The following SEZ6L variants were observed in gnomAD, a reference collection of about 807,000 sequenced individuals.
The protein encoded by SEZ6L is seizure related 6 homolog like.
A neutral mutation model predicts 106.2 loss-of-function variants in SEZ6L; 37 were observed. That is an observed-to-expected ratio of 0.35 (90% CI 0.27 to 0.46). SEZ6L has a LOEUF of 0.46. Ranked by LOEUF, SEZ6L falls within the 20% of genes least tolerant of loss-of-function variation. The pLI, the probability that SEZ6L is intolerant of heterozygous loss-of-function variation, is 1.00. For synonymous variants in SEZ6L, 541 were observed against 570.4 expected (o/e 0.95, Z 0.73); for missense variants, 1,172 against 1,332.8 (o/e 0.88, Z 1.88).
chr22:26,305,838 TG>T, intron 5 of SEZ6L, 140 bp from the exon 6 acceptor site: 1 of 892,432 alleles, frequency 1.1e-6, no homozygotes. Flanking sequence ...TGTTTCATCC[TG>T]GGCAAGGGGC....
At chr22:26,192,171 T>G (rs576551496) in intron 1 of SEZ6L, among the ~76,000 whole-genome samples, 1 of 152,190 alleles carries the variant, frequency 6.6e-6, no homozygotes, top group African/African-American at 2.4e-5. Flanking sequence ...TGCATCCTTT[T>G]ATCTGTCCAC....
intron 1 of SEZ6L, among the ~76,000 whole-genome samples, chr22:26,207,702 GT>G (rs1941345926): frequency 1.3e-5 from 2 of 151,326 alleles, no homozygotes; most frequent in African/African-American, 4.9e-5. Flanking sequence ...ATTTTGGGTG[GT>G]TGTTCTAGGA....
At chr22:26,224,776 A>G (rs540659398) in intron 1 of SEZ6L, among the ~76,000 whole-genome samples, 46 of 152,178 alleles carry the variant, frequency 3.0e-4, no homozygotes, top group Non-Finnish European at 6.3e-4. Context: ...GATGCTGCCT[A>G]GATTAGAGCT....
intron 1 of SEZ6L, among the ~76,000 whole-genome samples, chr22:26,188,694 CT>C (rs1345373072): frequency 6.6e-6 from 1 of 152,142 alleles, no homozygotes; most frequent in East Asian, 1.9e-4. Context: ...CAAAGGAACC[CT>C]TGTCTAATTC....
chr22:26,247,455 TG>T (rs1295166155), intron 1 of SEZ6L, among the ~76,000 whole-genome samples: 1 of 152,174 alleles, frequency 6.6e-6, no homozygotes, highest in East Asian at 1.9e-4. Context: ...GTCCAATGAC[TG>T]GTATCTTCCT....
rs565841729 is a variant in SEZ6L at position 26,297,022 on chromosome 22, C to T, written c.1104C>T (p.Ser368=). ...QVIRSPTNTI[S]VYFRTFQDDG... is the part of the protein sequence containing the mutation. Reference sequence around the variant, plus strand: ...TCCGAAGCCCCACCAACACCATCTCCGTCTACTTCCGGACCTTCCAGGACG... The same window carrying T: ...TCCGAAGCCCCACCAACACCATCTCTGTCTACTTCCGGACCTTCCAGGACG... The change falls in exon 4 of 17, where the codon TCC becomes TCT. Residue 368 remains serine, a synonymous_variant. Coordinates refer to ENST00000248933, the MANE Select transcript of SEZ6L (RefSeq NM_021115.5). 2.9e-5 allele frequency: 47 copies of T among 1,614,130 alleles called. No individual in the cohort carries two copies. The highest frequency in any genetic ancestry group is 2.7e-4 in the South Asian group (25 of 91,060).
chr22:26,280,645 C>T (rs776390565), intron 1 of SEZ6L, among the ~76,000 whole-genome samples: 1 of 152,128 alleles, frequency 6.6e-6, no homozygotes, highest in Non-Finnish European at 1.5e-5. Context: ...CCCACCCCAC[C>T]CTTATGAGCA....
intron 9 of SEZ6L, among the ~76,000 whole-genome samples, chr22:26,329,282 A>G (rs2082409711): frequency 6.6e-6 from 1 of 152,152 alleles, no homozygotes; most frequent in Admixed American, 6.5e-5. Context: ...AACCTGGTCA[A>G]CATGGTGAAA....
rs745900600 is a variant in SEZ6L, at chr22:26,347,928, G to A, written c.2407+15G>A. The A allele has an allele frequency of 1.2e-5, 19 of 1,547,120 alleles. No individual in the cohort carries two copies. The highest frequency in any genetic ancestry group is 2.4e-5 in the East Asian group (1 of 41,550). ...TTGTGAGAAAAGTAAGAGTGGTCTTGTTTCCTTCCTCTAGGTCCCTGGGTG... is the reference window on the plus strand; with the variant it reads ...TTGTGAGAAAAGTAAGAGTGGTCTTATTTCCTTCCTCTAGGTCCCTGGGTG... On this transcript the variant is annotated intron_variant, in intron 11 of 16. Coordinates refer to ENST00000248933, the MANE Select transcript of SEZ6L (RefSeq NM_021115.5).
At chr22:26,314,045 A>T in intron 9 of SEZ6L, 143 bp downstream of exon 9, 1 of 693,028 alleles carries the variant, frequency 1.4e-6, no homozygotes. Flanking sequence ...GCATTCCCAT[A>T]GTGAGACCAA....
intron 1 of SEZ6L, among the ~76,000 whole-genome samples, chr22:26,252,519 C>A (rs1275913387): frequency 6.6e-6 from 1 of 152,102 alleles, no homozygotes; most frequent in Non-Finnish European, 1.5e-5. Context: ...ATCTCATCAC[C>A]CAGGTACTGA....
intron 9 of SEZ6L, among the ~76,000 whole-genome samples, chr22:26,339,239 G>C (rs1308206541): frequency 1.3e-5 from 2 of 151,838 alleles, no homozygotes; most frequent in African/African-American, 2.4e-5. Context: ...CATAGTAGAT[G>C]CTCAAAAAAA....
At chr22:26,259,256 G>A (rs910011873) in intron 1 of SEZ6L, among the ~76,000 whole-genome samples, 1 of 152,200 alleles carries the variant, frequency 6.6e-6, no homozygotes, top group Non-Finnish European at 1.5e-5. Flanking sequence ...TCAGCACCAA[G>A]AGAGGTAGGA....
chr22:26,240,788 GAAAC>G (rs997104726), intron 1 of SEZ6L, among the ~76,000 whole-genome samples: 2 of 152,106 alleles, frequency 1.3e-5, no homozygotes, highest in Non-Finnish European at 2.9e-5. Context: ...CAGAGGGTGA[GAAAC>G]AAACAAACAA....
chr22:26,376,918 A>G (rs1452538104), intron 15 of SEZ6L, among the ~76,000 whole-genome samples: 1 of 152,154 alleles, frequency 6.6e-6, no homozygotes, highest in East Asian at 1.9e-4. Flanking sequence ...ATAAATTATA[A>G]CACACTAAGA....
chr22:26,222,653 C>T (rs2078511065), intron 1 of SEZ6L, among the ~76,000 whole-genome samples: 1 of 152,128 alleles, frequency 6.6e-6, no homozygotes, highest in South Asian at 2.1e-4. Flanking sequence ...TAAGACAAAT[C>T]TCAATATCAT....
chr22:26,299,226 C>A, intron 5 of SEZ6L, 57 bp downstream of exon 5: 2 of 1,291,292 alleles, frequency 1.5e-6, no homozygotes, highest in South Asian at 2.4e-5. Context: ...GGGGAAAGAC[C>A]AACCTGTAGG....
chr22:26,198,301 G>A (rs1940707992), intron 1 of SEZ6L, among the ~76,000 whole-genome samples: 1 of 152,198 alleles, frequency 6.6e-6, no homozygotes, highest in Non-Finnish European at 1.5e-5. Flanking sequence ...ATATCTAATG[G>A]ATAATACATG....
chr22:26,288,915 C>CA (rs142640451), intron 1 of SEZ6L, among the ~76,000 whole-genome samples: 4,306 of 150,976 alleles, frequency 0.029, 181 homozygotes, highest in African/African-American at 0.093. Flanking sequence ...CCAGATAACC[C>CA]AAAAAAAAAC....
Sources: allele counts gnomAD v4.1 joint callset (sites outside exome capture counted in the v4.1 genomes callset), GRCh38; gene constraint gnomAD v4.1.1; transcripts MANE v1.5; gene names NCBI Gene and HGNC (gene_info 2026-07-23, HGNC 2026-07-21).